Variants in LMTK3 observed in about 807,000 individuals in gnomAD.
LMTK3 encodes the protein lemur tail kinase 3.
Under a neutral mutation model 116.7 loss-of-function variants are expected in LMTK3, and 27 were observed. That is an observed-to-expected ratio of 0.23 (90% CI 0.17 to 0.32). The LOEUF is 0.32. LMTK3 is among the 10% of genes least tolerant of loss of function. The pLI, the probability that LMTK3 is intolerant of heterozygous loss-of-function variation, is 1.00. For synonymous variants in LMTK3, 965 were observed against 971.0 expected, an observed-to-expected ratio of 0.99 and a Z score of 0.11; for missense variants, 1,764 against 2,068.5, an observed-to-expected ratio of 0.85 and a Z score of 2.86.
At chr19:48,487,755 G>T (rs1972151389) in intron 14 of LMTK3, among the ~76,000 whole-genome samples, 1 of 152,076 alleles carries the variant, frequency 6.6e-6, no homozygotes, top group African/African-American at 2.4e-5. Context: ...CTCATATCAG[G>T]CTCCCTCATG....
At chr19:48,485,975 C>T (rs1263375320) in intron 14 of LMTK3, among the ~76,000 whole-genome samples, 186 bp from the exon 15 acceptor site, 1 of 151,914 alleles carries the variant, frequency 6.6e-6, no homozygotes, top group Non-Finnish European at 1.5e-5. Flanking sequence ...CCTGCTGTTC[C>T]TCCAGTGCTC....
At chr19:48,510,383 C>G (rs1972635910) in intron 2 of LMTK3, 76 bp downstream of exon 2, 1 of 1,519,838 alleles carries the variant, frequency 6.6e-7, no homozygotes, top group African/African-American at 1.4e-5. Flanking sequence ...CCCTTCTCCC[C>G]ACCAACCACC....
At chr19:48,486,220 C>A (rs897526915) in intron 14 of LMTK3, among the ~76,000 whole-genome samples, 2 of 150,324 alleles carry the variant, frequency 1.3e-5, no homozygotes, top group African/African-American at 4.9e-5. Flanking sequence ...CCACTACGCC[C>A]GGCTAATTTT....
chr19:48,513,146 C>G, upstream of LMTK3: 1 of 1,601,498 alleles, frequency 6.2e-7, no homozygotes, highest in Non-Finnish European at 8.5e-7. This position sits in a 1 kb window ranked among gnomAD's most constrained non-coding sequence, Gnocchi z 5.6. Flanking sequence ...CCACGTTTCC[C>G]GTGCGGTTAC....
In LMTK3 at chr19:48,499,790, G is replaced by A; in HGVS notation, c.1279C>T (p.Arg427Ter). 6.5e-7 allele frequency: 1 copy of A among 1,541,578 alleles called. No individual in the cohort carries two copies. The highest frequency in any genetic ancestry group is 8.8e-7 in the Non-Finnish European group (1 of 1,142,756). Residue 427 changes from arginine to a stop codon, truncating the protein, a stop_gained, in exon 11 of 15, where the codon CGA (arginine) becomes TGA (stop). Transcript: ENST00000600059. LOFTEE classifies it high-confidence loss of function. ...CAGGGCCAGGGGAAGGGACCGTCTC[G>A]GGGTGGGGGTGGCGGCGGTGGGGGC... ...PRPPPPPPPP[R>*]DGPFPWPWPP...
Position 48,485,744 on chromosome 19 carries a change from G to C in LMTK3, c.*29C>G. The C allele has an allele frequency of 6.2e-7, 1 of 1,607,332 alleles. No homozygotes were observed. Among genetic ancestry groups the C allele is most frequent in the Non-Finnish European group, 8.5e-7 (1 of 1,176,630 alleles). ...ATTCCATTCTCAACCCCTCTTCTGA[G>C]GGTGCAGCGGGGTCGGGTCTTCGGG... On this transcript the variant is annotated 3_prime_UTR_variant, in exon 15 of 15. Transcript: ENST00000600059.
intron 5 of LMTK3, among the ~76,000 whole-genome samples, chr19:48,504,282 C>T (rs1972525690): frequency 6.6e-6 from 1 of 152,220 alleles, no homozygotes; most frequent in Non-Finnish European, 1.5e-5. Context: ...CCCCCCAATG[C>T]CAGGTTGGAT....
intron 11 of LMTK3, among the ~76,000 whole-genome samples, chr19:48,496,498 C>T (rs1457727137): frequency 1.3e-5 from 2 of 152,180 alleles, no homozygotes; most frequent in Non-Finnish European, 2.9e-5. Flanking sequence ...AGGGTTTTGC[C>T]ATGTTGTCCA....
Position 48,494,293 on chromosome 19 carries a change from C to T in LMTK3, c.3677-184G>A, listed in dbSNP as rs1972285913. 2.0e-5 allele frequency among the ~76,000 whole-genome samples: 3 copies of T among 152,326 alleles called. No individual in the cohort carries two copies. The South Asian group carries it at 6.2e-4, about 32-fold the overall frequency. On this transcript the variant is annotated intron_variant, in intron 11 of 14. Transcript: ENST00000600059. This position sits in a 1 kb window ranked among gnomAD's most constrained non-coding sequence, Gnocchi z 4.0. ...GGAAAGGTCCTCTCCAGTGCTCAAC[C>T]TCCCCAGAGCTCCCCAGTGCCAACG... is the stretch of plus-strand genomic sequence containing the variant.
In LMTK3 at chr19:48,491,896, A is replaced by C. The variant is rs1972234041; in HGVS notation, c.4093-357T>G. On this transcript the variant is annotated intron_variant, in intron 12 of 14. Coordinates refer to ENST00000600059, the MANE Select transcript of LMTK3 (RefSeq NM_001388485.1). The surrounding 1 kb of genome is among the most constrained non-coding windows in gnomAD (Gnocchi z 5.1). Reference sequence around the variant, plus strand: ...CACCCCGTCCACGTCAGTCCCACCCACCTCTGAGATCTTGACCTGCTCCAG... The same window carrying C: ...CACCCCGTCCACGTCAGTCCCACCCCCCTCTGAGATCTTGACCTGCTCCAG... 1.4e-5 allele frequency among the ~76,000 whole-genome samples: 2 copies of C among 146,032 alleles called. No individual in the cohort carries two copies. The highest frequency in any genetic ancestry group is 2.2e-4 in the South Asian group (1 of 4,642).
chr19:48,513,318 A>C (rs895965483), upstream of LMTK3: 6 of 725,558 alleles, frequency 8.3e-6, no homozygotes, highest in African/African-American at 1.7e-5. The surrounding 1 kb of genome is among the most constrained non-coding windows in gnomAD (Gnocchi z 5.6). Flanking sequence ...GCCCTCTGAG[A>C]CAGGTATTTT....
At chr19:48,505,682 T>C (rs1972555717) in intron 5 of LMTK3, among the ~76,000 whole-genome samples, 1 of 151,532 alleles carries the variant, frequency 6.6e-6, no homozygotes, top group African/African-American at 2.4e-5. Flanking sequence ...GCCAACATAG[T>C]GAAACCCTGT....
chr19:48,486,599 A>G (rs879286318), intron 14 of LMTK3, among the ~76,000 whole-genome samples: 1 of 150,814 alleles, frequency 6.6e-6, no homozygotes, highest in Non-Finnish European at 1.5e-5. Flanking sequence ...GTGCAGTGGC[A>G]TGATCTCAGC....
At chr19:48,511,077 C>G (rs998816319) in intron 1 of LMTK3, among the ~76,000 whole-genome samples, 2 of 152,138 alleles carry the variant, frequency 1.3e-5, no homozygotes, top group African/African-American at 4.8e-5. Flanking sequence ...TTGGCGCACA[C>G]CGATGTTCTC....
rs764187382 is a variant in LMTK3 at position 48,497,476 on chromosome 19, G to T, written c.3593C>A (p.Pro1198His). 1 of 1,505,374 alleles carries T rather than the reference G, an allele frequency of 6.6e-7. No homozygotes were observed. The highest frequency in any genetic ancestry group is 8.8e-7 in the Non-Finnish European group (1 of 1,130,612). The allele number at this position is 1,505,374 out of a possible 1,614,324, so 93.3% of individuals were successfully genotyped here. Reference sequence around the variant, plus strand: ...CTCGGGGCCCTTCCTCTCGGGCTTGGGGGGGTCCCCGTCTCCGCTGAGTGC... The same window carrying T: ...CTCGGGGCCCTTCCTCTCGGGCTTGTGGGGGTCCCCGTCTCCGCTGAGTGC... ...DTALSGDGDP[P>H]KPERKGPEMP... The change falls in exon 11 of 15, where the codon CCC becomes CAC. Residue 1198 changes from proline to histidine, a missense_variant. By Grantham distance (77) the Pro-to-His change is moderately conservative. Coordinates refer to ENST00000600059, the MANE Select transcript of LMTK3 (RefSeq NM_001388485.1). The surrounding 1 kb of genome is among the most constrained non-coding windows in gnomAD (Gnocchi z 5.7).
At position 48,489,382 on chromosome 19, in the gene LMTK3, G is replaced by T. The variant is rs1453150711; in HGVS notation, c.4366+1726C>A. On this transcript the variant is annotated intron_variant, in intron 14 of 14. Coordinates refer to ENST00000600059, the MANE Select transcript of LMTK3 (RefSeq NM_001388485.1). ...GAGGTCTGGAGTTCAAGACCAGCCTGTCCAACATGGTGAAACCCCGTCTCT... is the reference window on the plus strand; with the variant it reads ...GAGGTCTGGAGTTCAAGACCAGCCTTTCCAACATGGTGAAACCCCGTCTCT... Among the ~76,000 whole-genome samples the T allele has an allele frequency of 3.9e-5, 6 of 152,176 alleles. No individual in the cohort carries two copies. The South Asian group carries it at 1.0e-3, about 26-fold the overall frequency.
In LMTK3 at chr19:48,497,855, G is replaced by C; in HGVS notation, c.3214C>G (p.Pro1072Ala). Residue 1072 changes from proline to alanine, a missense_variant, in exon 11 of 15, where the codon CCT becomes GCT. Physicochemically the swap from Pro to Ala is conservative, Grantham distance 27. This residue lies in a region of LMTK3 where 1,028 missense variants were observed against 1,050.6 expected (regional missense o/e 0.98). Transcript: ENST00000600059. This position sits in a 1 kb window ranked among gnomAD's most constrained non-coding sequence, Gnocchi z 5.7. ...VSSRNGGETA[P>A]GPLGPAPKNG... ...TTGGGGGCTGGGCCAAGGGGGCCAG[G>C]GGCTGTCTCCCCGCCGTTCCGGGAG... 7.0e-7 allele frequency: 1 copy of C among 1,433,234 alleles called. No individual in the cohort carries two copies. The allele number at this position is 1,433,234 out of a possible 1,614,324, so 88.8% of individuals were successfully genotyped here.
rs570209156 is a variant in LMTK3, at chr19:48,487,852, T to G, written c.4367-2063A>C. ...CTGAGCTTGAGTTTCGCTCTTTTAA[T>G]GGGAAGCATGACCTTCATGCTTCAT... is the stretch of plus-strand genomic sequence containing the variant. On this transcript the variant is annotated intron_variant, in intron 14 of 14. Coordinates refer to ENST00000600059, the MANE Select transcript of LMTK3 (RefSeq NM_001388485.1). Among the ~76,000 whole-genome samples, 218 of 152,196 alleles carry G rather than the reference T, an allele frequency of 1.4e-3. 1 individual carries two copies. The highest frequency in any genetic ancestry group is 2.4e-3 in the Non-Finnish European group (166 of 68,016).
rs2014896942 is a variant in LMTK3 at position 48,494,597 on chromosome 19, G to A, written c.3677-488C>T. On this transcript the variant is annotated intron_variant, in intron 11 of 14. Transcript: ENST00000600059. The surrounding 1 kb of genome is among the most constrained non-coding windows in gnomAD (Gnocchi z 4.0). Reference sequence around the variant, plus strand: ...GCCCTCTTTGGCCTCCCAAAGTGCTGGGATTACAGGCATGAGCCACCACAC... The same window carrying A: ...GCCCTCTTTGGCCTCCCAAAGTGCTAGGATTACAGGCATGAGCCACCACAC... Among the ~76,000 whole-genome samples the A allele has an allele frequency of 6.6e-6, 1 of 152,146 alleles. No individual in the cohort carries two copies. Among genetic ancestry groups the A allele is most frequent in the Admixed American group, 6.5e-5 (1 of 15,268 alleles).
Sources: allele counts gnomAD v4.1 joint callset (sites outside exome capture counted in the v4.1 genomes callset), GRCh38; gene constraint gnomAD v4.1.1; regional missense constraint gnomAD v4.1.1; non-coding constraint Gnocchi (gnomAD v3.1); transcripts MANE v1.5; gene names NCBI Gene and HGNC (gene_info 2026-07-23, HGNC 2026-07-21).